The following TRDMT1 variants were observed in gnomAD, a reference collection of about 807,000 sequenced individuals.
TRDMT1 encodes tRNA aspartic acid methyltransferase 1, also known as tRNA (cytosine(38)-C(5))-methyltransferase.
A neutral mutation model predicts 51.2 loss-of-function variants in TRDMT1; 49 were observed. The observed-to-expected ratio is 0.96, with a 90% CI of 0.76 to 1.21. The LOEUF is 1.21. Ranked by LOEUF, TRDMT1 falls within the 50% of genes most tolerant of loss-of-function variation. TRDMT1 has a pLI of 0.00. For synonymous variants in TRDMT1, 187 were observed against 164.6 expected (o/e 1.14, Z -1.04); for missense variants, 534 against 462.3 (o/e 1.16, Z -1.42).
rs958984610 is a variant in TRDMT1, at chr10:17,145,019, T to C, written c.*4021A>G. The C allele has an allele frequency of 1.1e-4, 108 of 972,648 alleles. 2 individuals are homozygous for C. Among genetic ancestry groups the C allele is most frequent in the Non-Finnish European group, 3.3e-5 (27 of 818,812 alleles). 60.3% of individuals were successfully genotyped at this position (972,648 alleles called of 1,614,324 possible). ...AACCCAGCACTTAGGGAAGCCAAGG[T>C]GGGTGGATTAACTTGAGGTCAGGTG... On this transcript the variant is annotated 3_prime_UTR_variant, in exon 11 of 11. Transcript: ENST00000377799.
Position 17,146,776 on chromosome 10 carries a change from G to C in TRDMT1, c.*2264C>G. The C allele has an allele frequency of 5.1e-6, 5 of 985,316 alleles. No homozygotes were observed. Among genetic ancestry groups the C allele is most frequent in the Non-Finnish European group, 4.8e-6 (4 of 829,908 alleles). 61.0% of individuals were successfully genotyped at this position (985,316 alleles called of 1,614,324 possible). ...ATTTCCAGTGCAAATTTTATATACA[G>C]CATTATTACCAAAAGCATATAGCAG... On this transcript the variant is annotated 3_prime_UTR_variant, in exon 11 of 11. Coordinates refer to ENST00000377799, the MANE Select transcript of TRDMT1 (RefSeq NM_004412.7).
In TRDMT1 at chr10:17,180,484, G is replaced by A. The variant is rs138492930; in HGVS notation, c.65-5824C>T. Among the ~76,000 whole-genome samples the A allele has an allele frequency of 8.8e-3, 1,314 of 149,516 alleles. 7 individuals are homozygous for A. The highest frequency in any genetic ancestry group is 0.014 in the Non-Finnish European group (952 of 67,728). ...GAACCCACAAGGTGGAGGTTGCAGTGAGCCGAGATTGCGCCACTTCACTCC... is the reference window on the plus strand; with the variant it reads ...GAACCCACAAGGTGGAGGTTGCAGTAAGCCGAGATTGCGCCACTTCACTCC... On this transcript the variant is annotated intron_variant, in intron 1 of 10. Transcript: ENST00000377799.
At chr10:17,151,319 C>G in intron 10 of TRDMT1, 1 of 985,224 alleles carries the variant, frequency 1.0e-6, no homozygotes, top group Non-Finnish European at 1.2e-6. Flanking sequence ...ATGGGATGAA[C>G]AAGGTCAAGA....
At chr10:17,162,632 C>T (rs1224794615) in intron 3 of TRDMT1, among the ~76,000 whole-genome samples, 2 of 152,042 alleles carry the variant, frequency 1.3e-5, no homozygotes, top group Non-Finnish European at 2.9e-5. Flanking sequence ...CACTTGAGCC[C>T]GGGAGTTCCA....
chr10:17,169,037 T>C, intron 2 of TRDMT1, 120 bp from the exon 3 acceptor site: 1 of 697,568 alleles, frequency 1.4e-6, no homozygotes, highest in Non-Finnish European at 2.3e-6. Flanking sequence ...AATACAATGC[T>C]TGTCAAATCA....
chr10:17,166,867 C>G (rs1449002719), intron 3 of TRDMT1, among the ~76,000 whole-genome samples: 1 of 152,114 alleles, frequency 6.6e-6, no homozygotes, highest in Non-Finnish European at 1.5e-5. Flanking sequence ...ATATCCTGCT[C>G]ACTGTACTCC....
chr10:17,143,239 C>T lies in TRDMT1; in HGVS notation c.*5801G>A, dbSNP rs1461142290. 2 of 985,222 alleles carry T rather than the reference C, an allele frequency of 2.0e-6. No individual in the cohort carries two copies. Among genetic ancestry groups the T allele is most frequent in the Non-Finnish European group, 2.4e-6 (2 of 829,832 alleles). The allele number at this position is 985,222 out of a possible 1,614,324, so 61.0% of individuals were successfully genotyped here. On this transcript the variant is annotated 3_prime_UTR_variant, in exon 11 of 11. Coordinates refer to ENST00000377799, the MANE Select transcript of TRDMT1 (RefSeq NM_004412.7). Reference sequence around the variant, plus strand: ...ATGGTTCCTACATTCACTCATTCAACAACTATTTATTGAGTGCTTACTATG... The same window carrying T: ...ATGGTTCCTACATTCACTCATTCAATAACTATTTATTGAGTGCTTACTATG...
At chr10:17,168,480 T>G (rs952189797) in intron 3 of TRDMT1, among the ~76,000 whole-genome samples, 1 of 152,196 alleles carries the variant, frequency 6.6e-6, no homozygotes, top group Non-Finnish European at 1.5e-5. Context: ...CTTGATATGG[T>G]TTGGCTGTGT....
intron 8 of TRDMT1, 40 bp from the exon 9 acceptor site, chr10:17,154,774 T>C: frequency 1.9e-6 from 3 of 1,539,130 alleles, no homozygotes; most frequent in Non-Finnish European, 1.8e-6. Context: ...ACCTGATGTA[T>C]GTGTTAATGC....
At chr10:17,179,439 C>T (rs370441011) in intron 1 of TRDMT1, among the ~76,000 whole-genome samples, 6 of 152,028 alleles carry the variant, frequency 3.9e-5, no homozygotes, top group South Asian at 2.1e-4. Flanking sequence ...AGGTAACGAA[C>T]GCCTAGGATA....
At chr10:17,164,284 T>C (rs1840850640) in intron 3 of TRDMT1, among the ~76,000 whole-genome samples, 1 of 152,174 alleles carries the variant, frequency 6.6e-6, no homozygotes, top group Admixed American at 6.5e-5. Context: ...ATTATCTCAA[T>C]AAATGCAGAA....
At chr10:17,192,921 T>C (rs1447088075) in intron 1 of TRDMT1, among the ~76,000 whole-genome samples, 1 of 152,092 alleles carries the variant, frequency 6.6e-6, no homozygotes, top group Non-Finnish European at 1.5e-5. Flanking sequence ...AATAAGAGCA[T>C]CTATGACAAG....
intron 10 of TRDMT1, 85 bp from the exon 11 acceptor site, chr10:17,149,225 A>T: frequency 9.6e-7 from 1 of 1,043,350 alleles, no homozygotes; most frequent in African/African-American, 1.6e-5. Flanking sequence ...GTAAGGGCAC[A>T]GCGGTCATTT....
rs191837890 is a variant in TRDMT1, at chr10:17,168,538, C to T, written c.251+303G>A. ...ATTTCCACGTGTTGTGGGACGGACCCGGTGGGAGGTAACGGAATCATGGGG... is the reference window on the plus strand; with the variant it reads ...ATTTCCACGTGTTGTGGGACGGACCTGGTGGGAGGTAACGGAATCATGGGG... On this transcript the variant is annotated intron_variant, in intron 3 of 10. Transcript: ENST00000377799. Among the ~76,000 whole-genome samples, 26 of 152,174 alleles carry T rather than the reference C, an allele frequency of 1.7e-4. No homozygotes were observed. The East Asian group carries it at 4.6e-3, about 27-fold the overall frequency.
chr10:17,180,965 G>T (rs893044012), intron 1 of TRDMT1, among the ~76,000 whole-genome samples: 3 of 152,096 alleles, frequency 2.0e-5, no homozygotes, highest in African/African-American at 7.2e-5. Context: ...TTACTAATAT[G>T]TTTTACTAAT....
rs73604285 is a variant in TRDMT1, at chr10:17,161,001, G to C, written c.389+482C>G. On this transcript the variant is annotated intron_variant, in intron 5 of 10. Transcript: ENST00000377799. ...TGGGAACTAGAACTTTATCTTCAAG[G>C]TGGCCAGTCAGATGGGAGCACTGTT... Among the ~76,000 whole-genome samples the C allele has an allele frequency of 1.3e-4, 20 of 152,202 alleles. 1 individual carries two copies. In the East Asian group the frequency reaches 3.9e-3, roughly 29 times the overall value.
intron 7 of TRDMT1, 42 bp downstream of exon 7, chr10:17,159,100 TAATA>T (rs750355977): frequency 1.6e-6 from 2 of 1,253,252 alleles, no homozygotes; most frequent in Non-Finnish European, 2.2e-6. Flanking sequence ...TATATATTTA[TAATA>T]AATAAGCCAT....
In TRDMT1 at chr10:17,146,725, T is replaced by C; in HGVS notation, c.*2315A>G. 3.0e-6 allele frequency: 3 copies of C among 985,426 alleles called. No homozygotes were observed. The highest frequency in any genetic ancestry group is 3.6e-6 in the Non-Finnish European group (3 of 829,926). The allele number at this position is 985,426 out of a possible 1,614,324, so 61.0% of individuals were successfully genotyped here. ...ATGTTTTCCAACATCTGAATAAATG[T>C]ACAAGTCCAAATATCAGGAAACAGA... On this transcript the variant is annotated 3_prime_UTR_variant, in exon 11 of 11. Transcript: ENST00000377799.
At chr10:17,157,820 T>C (rs751678640) in intron 7 of TRDMT1, 36 bp from the exon 8 acceptor site, 4 of 1,472,198 alleles carry the variant, frequency 2.7e-6, no homozygotes, top group South Asian at 1.3e-5. Context: ...TTGTCAAAAG[T>C]TGCATTAAAA....
Sources: gnomAD v4.1 joint callset for allele counts (sites outside exome capture counted in the v4.1 genomes callset) on GRCh38, gnomAD v4.1.1 for gene constraint, MANE v1.5 for transcripts, NCBI Gene and HGNC (gene_info 2026-07-23, HGNC 2026-07-21) for gene names.